COL23A1: variants seen among roughly 807,000 people sequenced by gnomAD.
COL23A1 encodes collagen alpha-1(XXIII) chain.
Under a neutral mutation model 99.3 loss-of-function variants are expected in COL23A1, and 97 were observed. The observed-to-expected ratio is 0.98, with a 90% CI of 0.83 to 1.16. The LOEUF is 1.16. Ranked by LOEUF, COL23A1 falls within the 50% of genes most tolerant of loss-of-function variation. The pLI is 0.00. For synonymous variants in COL23A1, 320 were observed against 308.2 expected (o/e 1.04, Z -0.40); for missense variants, 762 against 757.4 (o/e 1.01, Z -0.07).
At chr5:178,586,145 C>T (rs983794197) in intron 1 of COL23A1, among the ~76,000 whole-genome samples, 17 of 152,198 alleles carry the variant, frequency 1.1e-4, no homozygotes, top group African/African-American at 3.6e-4. Flanking sequence ...GTGGCCAAGT[C>T]GCTGACAGAC....
At chr5:178,324,136 G>A (rs943218576) in intron 2 of COL23A1, among the ~76,000 whole-genome samples, 3 of 151,892 alleles carry the variant, frequency 2.0e-5, no homozygotes, top group African/African-American at 7.2e-5. Flanking sequence ...GTGGGCTGAG[G>A]CCCTTTTGGG....
chr5:178,533,712 T>C (rs1760779673), intron 2 of COL23A1, among the ~76,000 whole-genome samples: 1 of 152,186 alleles, frequency 6.6e-6, no homozygotes. Flanking sequence ...TTGGACAAGC[T>C]GGTCTTGAAC....
chr5:178,590,357 C>T lies in COL23A1; in HGVS notation c.-160G>A. On this transcript the variant is annotated 5_prime_UTR_variant, in exon 1 of 29. Coordinates refer to ENST00000390654, the MANE Select transcript of COL23A1 (RefSeq NM_173465.4). The surrounding 1 kb of genome is among the most constrained non-coding windows in gnomAD (Gnocchi z 5.7). ...ATCGCCGCGCACGCCCCCTTCGCCG[C>T]AGCCAGCTCCTCCACAGCGGCCACT... The T allele has an allele frequency of 1.9e-6, 1 of 536,968 alleles. No homozygotes were observed. The highest frequency in any genetic ancestry group is 2.7e-6 in the Non-Finnish European group (1 of 375,496). The allele number at this position is 536,968 out of a possible 1,614,324, so 33.3% of individuals were successfully genotyped here.
rs1169457519 is a variant in COL23A1 at position 178,249,926 on chromosome 5, C to G, written c.1059+135G>C. The G allele has an allele frequency of 7.2e-6, 9 of 1,248,514 alleles. 1 individual carries two copies. Among genetic ancestry groups the G allele is most frequent in the Non-Finnish European group, 1.0e-5 (9 of 878,278 alleles). The allele number at this position is 1,248,514 out of a possible 1,614,324, so 77.3% of individuals were successfully genotyped here. A position where few individuals can be genotyped will look rare whatever the true frequency, so the allele number is the denominator to read the frequency against. On this transcript the variant is annotated intron_variant, in intron 18 of 28. Coordinates refer to ENST00000390654, the MANE Select transcript of COL23A1 (RefSeq NM_173465.4). The stretch of plus-strand genomic sequence containing the variant: ...CACACAGGCAGCCTGGTGCCAAAAT[C>G]CATGATTTTTGATTTTCTCACACAT...
intron 3 of COL23A1, among the ~76,000 whole-genome samples, chr5:178,290,613 G>A (rs563369991): frequency 9.2e-5 from 14 of 152,192 alleles, no homozygotes; most frequent in Non-Finnish European, 2.1e-4. Context: ...CCACATGCAT[G>A]GGTGCATGCA....
chr5:178,454,276 C>G (rs1767648758), intron 2 of COL23A1, among the ~76,000 whole-genome samples: 1 of 150,338 alleles, frequency 6.7e-6, no homozygotes, highest in Admixed American at 6.6e-5. Flanking sequence ...TCATAGAGTA[C>G]TTCATTCAAA....
chr5:178,261,744 G>A lies in COL23A1; in HGVS notation c.680C>T (p.Pro227Leu). 1.9e-6 allele frequency: 3 copies of A among 1,609,018 alleles called. No individual in the cohort carries two copies. Among genetic ancestry groups the A allele is most frequent in the East Asian group, 4.5e-5 (2 of 44,858 alleles). The change falls in exon 11 of 29, where the codon CCA becomes CTA. Residue 227 changes from proline to leucine, a missense_variant. Physicochemically the swap from Pro to Leu is moderately conservative, Grantham distance 98. Transcript: ENST00000390654. ...CACCTTGGGCCCTGGGGGTCCCTTT[G>A]GGCCCTGGAACAAGAGAAGAGAAGG... is the stretch of plus-strand genomic sequence containing the variant. The part of the protein sequence containing the change: ...GEPGQDGEMG[P>L]KGPPGPKGEP...
intron 12 of COL23A1, among the ~76,000 whole-genome samples, chr5:178,259,255 G>A (rs1252450771): frequency 6.6e-6 from 1 of 152,082 alleles, no homozygotes; most frequent in African/African-American, 2.4e-5. Flanking sequence ...ACCTGAATGA[G>A]GTGAAGGAGG....
chr5:178,576,785 G>T (rs919546807), intron 1 of COL23A1, among the ~76,000 whole-genome samples: 1 of 151,934 alleles, frequency 6.6e-6, no homozygotes, highest in African/African-American at 2.4e-5. Flanking sequence ...CCGGCCTCTC[G>T]GTCCTGTCCT....
At chr5:178,501,595 A>C (rs895315788) in intron 2 of COL23A1, among the ~76,000 whole-genome samples, 2 of 150,812 alleles carry the variant, frequency 1.3e-5, no homozygotes, top group Non-Finnish European at 3.0e-5. Flanking sequence ...AAAAAGTCCC[A>C]GCAAAAGCCT....
chr5:178,410,837 T>C (rs1368013900), intron 2 of COL23A1, among the ~76,000 whole-genome samples: 8 of 152,294 alleles, frequency 5.3e-5, no homozygotes, highest in African/African-American at 1.4e-4. Context: ...TACTACACCA[T>C]ACAGAATGCA....
intron 2 of COL23A1, among the ~76,000 whole-genome samples, chr5:178,464,042 T>G (rs1270138998): frequency 6.6e-6 from 1 of 152,168 alleles, no homozygotes; most frequent in Non-Finnish European, 1.5e-5. Context: ...ACCTACCCCC[T>G]TTTACTGCCG....
rs542980025 is a variant in COL23A1 at position 178,565,286 on chromosome 5, C to G, written c.295-4538G>C. On this transcript the variant is annotated intron_variant, in intron 1 of 28. Coordinates refer to ENST00000390654, the MANE Select transcript of COL23A1 (RefSeq NM_173465.4). ...AAGAGACAATGTAAACCCTTGAAAT[C>G]CCCCCGCTGAGGGCAATTTCGGAGC... Among the ~76,000 whole-genome samples the G allele has an allele frequency of 1.5e-4, 23 of 151,692 alleles. No homozygotes were observed. In the East Asian group the frequency reaches 4.2e-3, roughly 28 times the overall value.
At chr5:178,519,840 G>A (rs1031729748) in intron 2 of COL23A1, among the ~76,000 whole-genome samples, 2 of 152,204 alleles carry the variant, frequency 1.3e-5, no homozygotes, top group African/African-American at 4.8e-5. Context: ...GATGGAGGAT[G>A]GTCAGATGGA....
intron 20 of COL23A1, 103 bp downstream of exon 20, chr5:178,248,089 G>A (rs1764810168): frequency 2.4e-6 from 2 of 839,736 alleles, no homozygotes; most frequent in East Asian, 4.9e-5. Context: ...CTACTGCCCT[G>A]GGTTTGCTCA....
chr5:178,358,703 ATG>A (rs906038195), intron 2 of COL23A1, among the ~76,000 whole-genome samples: 42 of 135,092 alleles, frequency 3.1e-4, no homozygotes, highest in South Asian at 1.3e-3. Context: ...ATGTATGTGT[ATG>A]TGTGTATGTG....
chr5:178,323,499 G>A (rs561721511), intron 2 of COL23A1, among the ~76,000 whole-genome samples: 8 of 152,114 alleles, frequency 5.3e-5, no homozygotes, highest in Non-Finnish European at 1.0e-4. Flanking sequence ...CCTAGGTCCT[G>A]TGCTGCTTTG....
At chr5:178,249,714 ACACT>A (rs68088891) in intron 18 of COL23A1, among the ~76,000 whole-genome samples, 3,575 of 115,548 alleles carry the variant, frequency 0.031, 29 homozygotes, top group East Asian at 0.061. Context: ...ACACACACAC[ACACT>A]CTCTCTCTCT....
At chr5:178,560,005 A>G (rs1471847822) in intron 2 of COL23A1, among the ~76,000 whole-genome samples, 1 of 152,188 alleles carries the variant, frequency 6.6e-6, no homozygotes, top group Non-Finnish European at 1.5e-5. Flanking sequence ...GGGTCATTCT[A>G]ACCCTGAAAA....
Sources: gnomAD v4.1 joint callset for allele counts (sites outside exome capture counted in the v4.1 genomes callset) on GRCh38, gnomAD v4.1.1 for gene constraint, Gnocchi (gnomAD v3.1) non-coding constraint, MANE v1.5 for transcripts, NCBI Gene and HGNC (gene_info 2026-07-23, HGNC 2026-07-21) for gene names.